The following PEX2 variants were observed in gnomAD, a reference collection of about 807,000 sequenced individuals.
The protein encoded by PEX2 is peroxisome biogenesis factor 2.
PEX2 carries 19 observed loss-of-function variants against 25.2 expected under a neutral mutation model. That is an observed-to-expected ratio of 0.75 (90% CI 0.53 to 1.10). The LOEUF (loss-of-function observed/expected upper bound fraction) is 1.10, where lower values mean the gene tolerates loss of function less well. PEX2 is among the 50% of genes least tolerant of loss of function. The pLI is 0.00. For synonymous variants in PEX2, 141 were observed against 127.7 expected (o/e 1.10, Z -0.70); for missense variants, 347 against 350.6 (o/e 0.99, Z 0.08).
rs1806895159 is a variant in PEX2 at position 76,983,388 on chromosome 8, CAG to C, written c.789_790del (p.Phe263LeufsTer6). ...GAAACTACTCTTAGCACAGAAATAA[CAG>C]AAAATATGCTCACATCCTATGGTGT... On this transcript the variant is annotated frameshift_variant, in exon 4 of 4. Coordinates refer to ENST00000357039, the MANE Select transcript of PEX2 (RefSeq NM_000318.3). LOFTEE classifies it high-confidence loss of function. 1 of 1,613,958 alleles carries C rather than the reference CAG, an allele frequency of 6.2e-7. No individual in the cohort carries two copies. Among genetic ancestry groups the C allele is most frequent in the Non-Finnish European group, 8.5e-7 (1 of 1,180,038 alleles).
chr8:76,992,277 T>C (rs1318362773), intron 1 of PEX2, among the ~76,000 whole-genome samples: 1 of 152,210 alleles, frequency 6.6e-6, no homozygotes, highest in African/African-American at 2.4e-5. Flanking sequence ...GTGCCTGTTA[T>C]CTTGAAGTAA....
chr8:76,990,695 C>T (rs1304158676), intron 1 of PEX2, among the ~76,000 whole-genome samples: 2 of 151,616 alleles, frequency 1.3e-5, no homozygotes, highest in South Asian at 2.1e-4. Flanking sequence ...TTCTTGGTGC[C>T]CCAGAATATT....
intron 1 of PEX2, 27 bp from the exon 2 acceptor site, chr8:76,988,365 A>G (rs1414722173): frequency 2.0e-5 from 3 of 152,306 alleles, no homozygotes; most frequent in African/African-American, 7.2e-5. Context: ...ATCACAATAA[A>G]GTAAGTTACA....
At chr8:76,990,910 T>G (rs1807151971) in intron 1 of PEX2, among the ~76,000 whole-genome samples, 1 of 14,128 alleles carries the variant, frequency 7.1e-5, no homozygotes, top group Non-Finnish European at 3.4e-4. Flanking sequence ...CAGATAAACT[T>G]GATTGACTCG....
rs150450283 is a variant in PEX2 at position 76,996,605 on chromosome 8, G to T, written c.-160+3385C>A. ...TACTCTATAAATAATTTAAAAATGG[G>T]CTTTAGAATCTAATTGCTTAAGAAT... On this transcript the variant is annotated intron_variant, in intron 1 of 3. Transcript: ENST00000357039. 3.1e-3 allele frequency among the ~76,000 whole-genome samples: 465 copies of T among 152,262 alleles called. 2 individuals are homozygous for T. The highest frequency in any genetic ancestry group is 0.011 in the African/African-American group (446 of 41,544).
At chr8:76,987,909 G>A (rs1807052890) in intron 2 of PEX2, 1 of 152,150 alleles carries the variant, frequency 6.6e-6, no homozygotes, top group African/African-American at 2.4e-5. Context: ...GATCCTATGA[G>A]ACATCTAAGT....
rs1157326633 is a variant in PEX2 at position 76,982,339 on chromosome 8, C to A, written c.*922G>T. 6.6e-6 allele frequency: 1 copy of A among 152,152 alleles called. No homozygotes were observed. Among genetic ancestry groups the A allele is most frequent in the Admixed American group, 6.5e-5 (1 of 15,270 alleles). 9.4% of individuals were successfully genotyped at this position (152,152 alleles called of 1,614,324 possible). ...GAGAATGACAGCTCTGAATCAAAGG[C>A]AAGAGAAAGAGACCTGTAAATAGTG... On this transcript the variant is annotated 3_prime_UTR_variant, in exon 4 of 4. Coordinates refer to ENST00000357039, the MANE Select transcript of PEX2 (RefSeq NM_000318.3).
At chr8:76,994,873 T>A (rs1807276465) in intron 1 of PEX2, among the ~76,000 whole-genome samples, 1 of 152,228 alleles carries the variant, frequency 6.6e-6, no homozygotes, top group Non-Finnish European at 1.5e-5. Flanking sequence ...TAAAATTCTA[T>A]GACTAGACAT....
chr8:76,990,986 T>C (rs1447882425), intron 1 of PEX2, among the ~76,000 whole-genome samples: 3 of 152,292 alleles, frequency 2.0e-5, no homozygotes, highest in Admixed American at 6.5e-5. Context: ...CAGTAAAATA[T>C]AACGAGGTGT....
chr8:76,989,392 A>C (rs1807097655), intron 1 of PEX2, among the ~76,000 whole-genome samples: 1 of 152,148 alleles, frequency 6.6e-6, no homozygotes. Context: ...GTTCATGTTG[A>C]TATGTTGACC....
In PEX2 at chr8:76,983,859, G is replaced by A. The variant is rs2132044318; in HGVS notation, c.320C>T (p.Ala107Val). The part of the protein sequence containing the change: ...PPSKNQKIWY[A>V]VCTIGGRWLE... ...CCACCTGCCACCAATTGTACAAACA[G>A]CATACCAGATTTTTTGATTTTTACT... is the stretch of plus-strand genomic sequence containing the variant. The change falls in exon 4 of 4, where the codon GCT (alanine) becomes GTT (valine). Residue 107 changes from alanine (A) to valine (V), a missense_variant. Physicochemically the swap from Ala to Val is moderately conservative, Grantham distance 64 (BLOSUM62 0). Coordinates refer to ENST00000357039, the MANE Select transcript of PEX2 (RefSeq NM_000318.3). 2 of 1,614,054 alleles carry A rather than the reference G, an allele frequency of 1.2e-6. No homozygotes were observed. Among genetic ancestry groups the A allele is most frequent in the Non-Finnish European group, 8.5e-7 (1 of 1,179,964 alleles).
intron 1 of PEX2, among the ~76,000 whole-genome samples, chr8:76,988,657 G>C (rs1807073553): frequency 6.6e-6 from 1 of 152,102 alleles, no homozygotes. Context: ...AACAAAGTTT[G>C]CTGCATGGAT....
rs1242924229 is a variant in PEX2, at chr8:76,983,867, G to T, written c.312C>A (p.Ile104=). Residue 104 remains isoleucine (I), a synonymous_variant, in exon 4 of 4, where the codon ATC becomes ATA. Coordinates refer to ENST00000357039, the MANE Select transcript of PEX2 (RefSeq NM_000318.3). ...CACCAATTGTACAAACAGCATACCA[G>T]ATTTTTTGATTTTTACTGGGTGGCT... is the stretch of plus-strand genomic sequence containing the variant. ...RYQPPSKNQK[I]WYAVCTIGGR... The T allele has an allele frequency of 1.9e-6, 3 of 1,614,074 alleles. No individual in the cohort carries two copies. The highest frequency in any genetic ancestry group is 4.5e-5 in the East Asian group (2 of 44,870).
chr8:76,998,459 T>C (rs942446235), intron 1 of PEX2, among the ~76,000 whole-genome samples: 1 of 152,362 alleles, frequency 6.6e-6, no homozygotes, highest in East Asian at 1.9e-4. Flanking sequence ...CAAATTTGTA[T>C]TGATAAAATA....
At chr8:76,985,492 G>C (rs1022538742) in intron 3 of PEX2, among the ~76,000 whole-genome samples, 1 of 152,064 alleles carries the variant, frequency 6.6e-6, no homozygotes, top group Non-Finnish European at 1.5e-5. Flanking sequence ...AAGTAACTAC[G>C]GGTGGTGATT....
upstream of PEX2, chr8:77,000,392 G>C (rs1380123893): frequency 6.4e-6 from 1 of 155,852 alleles, no homozygotes; most frequent in Non-Finnish European, 1.4e-5. Flanking sequence ...GGGCCTAGGG[G>C]AAGCCGGGGC....
chr8:76,999,989 C>T lies in PEX2; in HGVS notation c.-160+1G>A, dbSNP rs892704433. The T allele has an allele frequency of 1.1e-5, 5 of 456,060 alleles. No homozygotes were observed. The highest frequency in any genetic ancestry group is 2.2e-5 in the Non-Finnish European group (5 of 226,822). The allele number at this position is 456,060 out of a possible 1,614,324, so 28.3% of individuals were successfully genotyped here. A position where few individuals can be genotyped will look rare whatever the true frequency, so the allele number is the denominator to read the frequency against. Reference sequence around the variant, plus strand: ...TCCGGCTCTCTAGGGCAGACACTGACCTTAGGAGTCTGCGAAACGCCCACG... The same window carrying T: ...TCCGGCTCTCTAGGGCAGACACTGATCTTAGGAGTCTGCGAAACGCCCACG... On this transcript the variant is annotated splice_donor_variant, in intron 1 of 3. Transcript: ENST00000357039. LOFTEE classifies it low-confidence loss of function (5UTR_SPLICE).
At chr8:76,992,977 G>A (rs574180673) in intron 1 of PEX2, among the ~76,000 whole-genome samples, 1 of 152,260 alleles carries the variant, frequency 6.6e-6, no homozygotes, top group South Asian at 2.1e-4. Context: ...TGAAAGCCCA[G>A]AAATAGCAAG....
intron 1 of PEX2, among the ~76,000 whole-genome samples, chr8:76,993,858 A>C (rs1184063044): frequency 6.6e-6 from 1 of 152,194 alleles, no homozygotes; most frequent in Non-Finnish European, 1.5e-5. Flanking sequence ...TTTATTGGCT[A>C]TGCAAAGAGA....
Sources: allele counts gnomAD v4.1 joint callset (sites outside exome capture counted in the v4.1 genomes callset), GRCh38; gene constraint gnomAD v4.1.1; transcripts MANE v1.5; gene names NCBI Gene and HGNC (gene_info 2026-07-23, HGNC 2026-07-21).